Variants in SRGAP1 observed in about 807,000 individuals in gnomAD.
The protein encoded by SRGAP1 is SLIT-ROBO Rho GTPase-activating protein 1.
SRGAP1 carries 43 observed loss-of-function variants against 121.9 expected under a neutral mutation model. The observed-to-expected ratio is 0.35, with a 90% confidence interval of 0.28 to 0.46. SRGAP1 has a LOEUF of 0.46. SRGAP1 is among the 20% of genes least tolerant of loss of function. SRGAP1 has a pLI of 1.00. For missense variants in SRGAP1, 1,102 were observed against 1,350.9 expected (o/e 0.82, Z 2.89); for synonymous variants, 447 against 485.4 (o/e 0.92, Z 1.04).
chr12:64,149,704 G>C lies in SRGAP1; in HGVS notation c.*7032G>C, dbSNP rs2037097877. On this transcript the variant is annotated 3_prime_UTR_variant, in exon 22 of 22. Coordinates refer to ENST00000355086, the MANE Select transcript of SRGAP1 (RefSeq NM_020762.4). Reference sequence around the variant, plus strand: ...AAGGGTGTTTGCTGGCTTCTGCCTTGAGTAGTTGGGACTCCTAAAAAGGAA... The same window carrying C: ...AAGGGTGTTTGCTGGCTTCTGCCTTCAGTAGTTGGGACTCCTAAAAAGGAA... The C allele has an allele frequency of 6.6e-6, 1 of 152,146 alleles. No individual in the cohort carries two copies. Among genetic ancestry groups the C allele is most frequent in the Non-Finnish European group, 1.5e-5 (1 of 68,038 alleles). The allele number at this position is 152,146 out of a possible 1,614,324, so 9.4% of individuals were successfully genotyped here.
intron 17 of SRGAP1, among the ~76,000 whole-genome samples, chr12:64,113,250 A>C (rs895276482): frequency 6.6e-6 from 1 of 152,062 alleles, no homozygotes; most frequent in African/African-American, 2.4e-5. Flanking sequence ...TCTACTAAAA[A>C]TACAAAAATT....
intron 1 of SRGAP1, among the ~76,000 whole-genome samples, chr12:63,916,032 C>CTTTTTTT (rs140042368): frequency 3.0e-4 from 37 of 125,176 alleles, no homozygotes; most frequent in Non-Finnish European, 4.2e-4. Flanking sequence ...CTTTTCTTTT[C>CTTTTTTT]TTTTTTTTTT....
At position 64,065,897 on chromosome 12, in the gene SRGAP1, T is replaced by C. The variant is rs369177352; in HGVS notation, c.1125+678T>C. Among the ~76,000 whole-genome samples the C allele has an allele frequency of 3.9e-5, 6 of 152,240 alleles. No individual in the cohort carries two copies. The East Asian group carries it at 5.8e-4, about 15-fold the overall frequency. On this transcript the variant is annotated intron_variant, in intron 8 of 21. Transcript: ENST00000355086. ...ATGTTTATTTGCCAGCATTACTGTA[T>C]TTAAATGAATAGAATATAAAATATG...
Position 64,076,581 on chromosome 12 carries a change from AAAG to A in SRGAP1, c.1126-2332_1126-2330del, listed in dbSNP as rs530618313. Among the ~76,000 whole-genome samples, 19 of 152,328 alleles carry A rather than the reference AAAG, an allele frequency of 1.2e-4. No homozygotes were observed. In the South Asian group the frequency reaches 1.5e-3, roughly 12 times the overall value. ...AAAACAAAAGATAATAAAATATGGA[AAAG>A]AAGAATAAGAGATATAGAGAACACA... On this transcript the variant is annotated intron_variant, in intron 8 of 21. Coordinates refer to ENST00000355086, the MANE Select transcript of SRGAP1 (RefSeq NM_020762.4).
intron 1 of SRGAP1, chr12:63,888,608 TG>T (rs1244610640): frequency 6.6e-6 from 1 of 152,242 alleles, no homozygotes; most frequent in Non-Finnish European, 1.5e-5. Context: ...TCTAATGGCA[TG>T]TTCTCATTTC....
intron 1 of SRGAP1, among the ~76,000 whole-genome samples, chr12:63,888,792 C>T (rs751135587): frequency 1.3e-5 from 2 of 152,164 alleles, no homozygotes; most frequent in African/African-American, 2.4e-5. Context: ...CTGCACAAAA[C>T]AATGCATTGT....
At chr12:64,105,460 G>T (rs1450112331) in intron 15 of SRGAP1, among the ~76,000 whole-genome samples, 1 of 152,134 alleles carries the variant, frequency 6.6e-6, no homozygotes, top group Non-Finnish European at 1.5e-5. Flanking sequence ...AGAACCAAGA[G>T]ATAGAAACAA....
chr12:63,885,054 GT>G, intron 1 of SRGAP1, among the ~76,000 whole-genome samples: 1 of 152,050 alleles, frequency 6.6e-6, no homozygotes, highest in African/African-American at 2.4e-5. Context: ...ATCCACTAAA[GT>G]TTATGGAGGC....
At chr12:63,996,046 G>A (rs1461024604) in intron 3 of SRGAP1, among the ~76,000 whole-genome samples, 1 of 150,602 alleles carries the variant, frequency 6.6e-6, no homozygotes, top group African/African-American at 2.4e-5. Flanking sequence ...AGTACCATAA[G>A]TTAAAAGCAT....
At chr12:64,127,798 C>G in intron 20 of SRGAP1, 63 bp from the exon 21 acceptor site, 1 of 1,598,736 alleles carries the variant, frequency 6.3e-7, no homozygotes, top group Non-Finnish European at 8.5e-7. Context: ...TGCACCTCAG[C>G]CTTGCAGTAC....
At chr12:64,028,682 C>T (rs1444902677) in intron 4 of SRGAP1, among the ~76,000 whole-genome samples, 2 of 152,196 alleles carry the variant, frequency 1.3e-5, no homozygotes, top group Non-Finnish European at 2.9e-5. Context: ...GTTGAAGGAA[C>T]AAGAGGTCTC....
intron 16 of SRGAP1, among the ~76,000 whole-genome samples, chr12:64,110,374 T>A (rs148301048): frequency 6.2e-4 from 94 of 152,336 alleles, no homozygotes; most frequent in African/African-American, 2.1e-3. Context: ...TCTCAAAGAA[T>A]GGCAAATGCA....
chr12:63,993,304 C>T (rs904530897), intron 3 of SRGAP1, among the ~76,000 whole-genome samples: 2 of 152,172 alleles, frequency 1.3e-5, no homozygotes, highest in African/African-American at 4.8e-5. Flanking sequence ...AAATTACTCC[C>T]ACATGCTTAG....
intron 8 of SRGAP1, among the ~76,000 whole-genome samples, chr12:64,072,019 C>T (rs917634914): frequency 1.3e-5 from 2 of 151,584 alleles, no homozygotes; most frequent in Non-Finnish European, 2.9e-5. Context: ...GCAGGATGCT[C>T]TGCCTGTGCT....
At chr12:64,112,283 T>G (rs2036442382) in intron 17 of SRGAP1, among the ~76,000 whole-genome samples, 1 of 152,186 alleles carries the variant, frequency 6.6e-6, no homozygotes, top group African/African-American at 2.4e-5. Flanking sequence ...TTACATTAAA[T>G]CAAGAAAAGA....
chr12:64,064,003 G>C (rs1282122743), intron 7 of SRGAP1, among the ~76,000 whole-genome samples: 1 of 151,792 alleles, frequency 6.6e-6, no homozygotes, highest in Non-Finnish European at 1.5e-5. Flanking sequence ...TTTTATGTGT[G>C]TTTGATAGAA....
intron 3 of SRGAP1, among the ~76,000 whole-genome samples, chr12:63,992,724 GAGAGAGAC>G (rs1007185142): frequency 6.7e-6 from 1 of 148,676 alleles, no homozygotes; most frequent in Non-Finnish European, 1.5e-5. Flanking sequence ...CACGTGCAGA[GAGAGAGAC>G]AGAGAGACAG....
At chr12:64,075,766 A>G (rs758879328) in intron 8 of SRGAP1, among the ~76,000 whole-genome samples, 23 of 152,072 alleles carry the variant, frequency 1.5e-4, no homozygotes, top group Non-Finnish European at 2.5e-4. Context: ...TTCCAACAGT[A>G]TCTACTCTTT....
At position 64,065,161 on chromosome 12, in the gene SRGAP1, T is replaced by C. The variant is rs761722425; in HGVS notation, c.1067T>C (p.Met356Thr). The change falls in exon 8 of 22, where the codon ATG becomes ACG. Residue 356 changes from methionine (M) to threonine (T), a missense_variant. Around this residue, in one of 3 missense-constraint regions of SRGAP1, gnomAD observed 747 missense variants for 929.4 expected, o/e 0.80. Coordinates refer to ENST00000355086, the MANE Select transcript of SRGAP1 (RefSeq NM_020762.4). ...CAGCAGCCAGTCCAGGCAGAGCTCA[T>C]GCTCAGGTACCAACAGTTGCAGTCC... ...SAQQPVQAEL[M>T]LRYQQLQSRL... The C allele has an allele frequency of 1.2e-6, 2 of 1,613,660 alleles. No individual in the cohort carries two copies. The highest frequency in any genetic ancestry group is 2.2e-5 in the East Asian group (1 of 44,794).
Sources: allele counts gnomAD v4.1 joint callset (sites outside exome capture counted in the v4.1 genomes callset), GRCh38; gene constraint gnomAD v4.1.1; regional missense constraint gnomAD v4.1.1; transcripts MANE v1.5; gene names NCBI Gene and HGNC (gene_info 2026-07-23, HGNC 2026-07-21).